C3orf49: variants seen among roughly 807,000 people sequenced by gnomAD.
C3orf49 encodes chromosome 3 open reading frame 49, also known as putative uncharacterized protein C3orf49.
A neutral mutation model predicts 13.3 loss-of-function variants in C3orf49; 27 were observed. The ratio of observed to expected loss-of-function variants is 2.02; its 90% CI spans 1.49 to 2.79. The LOEUF is 2.79. Ranked by LOEUF, C3orf49 falls within the 30% of genes most tolerant of loss-of-function variation. The pLI, the probability that C3orf49 is intolerant of heterozygous loss-of-function variation, is 0.00. For missense variants in C3orf49, 242 were observed against 134.2 expected, an observed-to-expected ratio of 1.80 and a Z score of -3.97; for synonymous variants, 87 against 47.6, an observed-to-expected ratio of 1.83 and a Z score of -3.40.
At chr3:63,841,679 T>C (rs1180655737) in intron 5 of C3orf49, among the ~76,000 whole-genome samples, 1 of 152,234 alleles carries the variant, frequency 6.6e-6, no homozygotes, top group Non-Finnish European at 1.5e-5. Context: ...TAATTTTATA[T>C]TTTAAAAATA....
At chr3:63,798,904 C>T in the C3orf49 span, among the ~76,000 whole-genome samples, 1 of 152,136 alleles carries the variant, frequency 6.6e-6, no homozygotes, top group Admixed American at 6.5e-5. Flanking sequence ...TATGAGCAAG[C>T]ATTTAGAAGT....
intron 5 of C3orf49, chr3:63,832,074 A>C: frequency 2.5e-6 from 1 of 402,078 alleles, no homozygotes; most frequent in Non-Finnish European, 4.4e-6. Flanking sequence ...GGCGCCTCTA[A>C]TCCCAGCTAC....
chr3:63,783,732 T>C, the C3orf49 span, among the ~76,000 whole-genome samples: 2 of 148,746 alleles, frequency 1.3e-5, no homozygotes, highest in Non-Finnish European at 3.0e-5. Flanking sequence ...AAAAATTAAA[T>C]TAATTAATTC....
intron 5 of C3orf49, chr3:63,838,307 G>C: frequency 8.8e-7 from 1 of 1,138,300 alleles, no homozygotes; most frequent in Non-Finnish European, 1.2e-6. Flanking sequence ...AAAATTGTTA[G>C]CAGGTATTGT....
At chr3:63,822,897 GT>G (rs1259348237) in intron 1 of C3orf49, among the ~76,000 whole-genome samples, 7 of 152,300 alleles carry the variant, frequency 4.6e-5, no homozygotes, top group African/African-American at 1.7e-4. Context: ...GCCAATATAA[GT>G]TAATGGATTC....
At chr3:63,843,525 C>T (rs1430367981) in intron 5 of C3orf49, among the ~76,000 whole-genome samples, 2 of 152,168 alleles carry the variant, frequency 1.3e-5, no homozygotes, top group African/African-American at 4.8e-5. Context: ...GAGGTATCTG[C>T]ACTCCAACGT....
intron 6 of C3orf49, among the ~76,000 whole-genome samples, chr3:63,847,350 C>T (rs1212513817): frequency 6.6e-6 from 1 of 152,178 alleles, no homozygotes; most frequent in Non-Finnish European, 1.5e-5. Context: ...ATGTTGTCCA[C>T]AGTTAATTGT....
chr3:63,832,066 C>CAT, intron 5 of C3orf49: 1 of 422,220 alleles, frequency 2.4e-6, no homozygotes, highest in Non-Finnish European at 4.2e-6. Context: ...TGGTGGCGGG[C>CAT]GCCTCTAATC....
the C3orf49 span, among the ~76,000 whole-genome samples, chr3:63,806,292 C>T: frequency 6.6e-6 from 1 of 152,218 alleles, no homozygotes; most frequent in Admixed American, 6.5e-5. Context: ...ACCCTTTATC[C>T]ATTGCCTACC....
chr3:63,814,414 C>T (rs533801424), upstream of C3orf49, among the ~76,000 whole-genome samples: 3 of 151,932 alleles, frequency 2.0e-5, no homozygotes, highest in African/African-American at 4.8e-5. Context: ...TTGGTTCCTG[C>T]GGTTATTCAT....
intron 3 of C3orf49, 72 bp from the exon 4 acceptor site, chr3:63,831,038 T>C (rs1701525480): frequency 1.5e-6 from 1 of 664,640 alleles, no homozygotes. Context: ...GGGTGAGAAC[T>C]CTTGTTTAAG....
the C3orf49 span, among the ~76,000 whole-genome samples, chr3:63,797,326 T>C: frequency 1.3e-5 from 2 of 152,096 alleles, no homozygotes; most frequent in East Asian, 3.9e-4. Flanking sequence ...GAGTCCCAGA[T>C]AATATAAGGC....
In C3orf49 at chr3:63,846,174, A is replaced by G. The variant is rs750734393; in HGVS notation, c.*30+1092A>G. 7.8e-5 allele frequency: 35 copies of G among 447,108 alleles called. No individual in the cohort carries two copies. In the Admixed American group the frequency reaches 8.2e-4, roughly 11 times the overall value. 27.7% of individuals were successfully genotyped at this position (447,108 alleles called of 1,614,324 possible). ...TTCTTTGCCTGAATATTTACAATCT[A>G]CTACTAAATATTCAGTCTGCTTTGT... On this transcript the variant is annotated intron_variant, in intron 6 of 6. Coordinates refer to ENST00000295896, the MANE Select transcript of C3orf49 (RefSeq NM_001355236.2).
At chr3:63,788,520 G>A in the C3orf49 span, among the ~76,000 whole-genome samples, 3 of 152,128 alleles carry the variant, frequency 2.0e-5, no homozygotes, top group Non-Finnish European at 2.9e-5. Flanking sequence ...GATAAGGAAA[G>A]AAAGGACAGG....
the C3orf49 span, among the ~76,000 whole-genome samples, chr3:63,807,875 A>AAAAAAAAG: frequency 1.3e-5 from 2 of 148,412 alleles, no homozygotes; most frequent in Non-Finnish European, 3.0e-5. Flanking sequence ...AAAAAAAAAA[A>AAAAAAAAG]AAAGAAAGAA....
chr3:63,798,798 T>C, the C3orf49 span, among the ~76,000 whole-genome samples: 7 of 152,152 alleles, frequency 4.6e-5, no homozygotes, highest in Non-Finnish European at 8.8e-5. Context: ...ATTGGTGAAA[T>C]TCTGAGAGAA....
At chr3:63,814,736 T>G (rs917297928), upstream of C3orf49, among the ~76,000 whole-genome samples, 11 of 152,078 alleles carry the variant, frequency 7.2e-5, no homozygotes, top group Non-Finnish European at 7.4e-5. Context: ...TTCTCCTTAG[T>G]TCCACTGTTC....
intron 1 of C3orf49, among the ~76,000 whole-genome samples, chr3:63,821,180 G>C (rs1011610559): frequency 6.6e-6 from 1 of 152,104 alleles, no homozygotes; most frequent in African/African-American, 2.4e-5. Flanking sequence ...GTTAGGAATT[G>C]TCCTGAGTTA....
chr3:63,826,647 G>T (rs1264531421), intron 2 of C3orf49, among the ~76,000 whole-genome samples: 1 of 152,190 alleles, frequency 6.6e-6, no homozygotes, highest in Non-Finnish European at 1.5e-5. Context: ...GGCTCCCAGA[G>T]AAGTCCTTAT....
Sources: gnomAD v4.1 joint callset for allele counts (sites outside exome capture counted in the v4.1 genomes callset) on GRCh38, gnomAD v4.1.1 for gene constraint, MANE v1.5 for transcripts, NCBI Gene and HGNC (gene_info 2026-07-23, HGNC 2026-07-21) for gene names.